Variants in SZT2 observed in about 807,000 individuals in gnomAD.
The protein encoded by SZT2 is KICSTOR complex protein SZT2.
Under a neutral mutation model 404.2 loss-of-function variants are expected in SZT2, and 216 were observed. The ratio of observed to expected loss-of-function variants is 0.53; its 90% CI spans 0.48 to 0.60. The LOEUF is 0.60. Among genes scored for constraint, SZT2 ranks in the 20% least tolerant of loss-of-function variants. The pLI is 0.00. For synonymous variants in SZT2, 1,693 were observed against 1,749.9 expected, an observed-to-expected ratio of 0.97 and a Z score of 0.81; for missense variants, 3,857 against 4,459.2, an observed-to-expected ratio of 0.86 and a Z score of 3.85.
At chr1:43,418,724 A>G (rs1651984756) in intron 7 of SZT2, among the ~76,000 whole-genome samples, 1 of 152,196 alleles carries the variant, frequency 6.6e-6, no homozygotes, top group Admixed American at 6.5e-5. Context: ...AGCGATGCTT[A>G]TGAAGTTGTC....
In SZT2 at chr1:43,451,578, G is replaced by C. The variant is rs776555284; in HGVS notation, c.*1098G>C. The C allele has an allele frequency of 1.2e-6, 2 of 1,613,554 alleles. No individual in the cohort carries two copies. The highest frequency in any genetic ancestry group is 2.2e-5 in the South Asian group (2 of 91,026). On this transcript the variant is annotated 3_prime_UTR_variant, in exon 72 of 72. Transcript: ENST00000634258. The stretch of plus-strand genomic sequence containing the variant: ...AGATGTGGACAAATGTGGGGTCCAG[G>C]CTCCTGCCAGGGCCTGAAGGACAGA...
intron 59 of SZT2, 32 bp downstream of exon 59, chr1:43,443,118 G>GA: frequency 6.2e-7 from 1 of 1,612,442 alleles, no homozygotes; most frequent in Non-Finnish European, 8.5e-7. Flanking sequence ...GCAGGGACAG[G>GA]AAATCTGTGG....
intron 1 of SZT2, among the ~76,000 whole-genome samples, chr1:43,392,923 CAG>C (rs1186853465): frequency 6.6e-6 from 1 of 152,168 alleles, no homozygotes; most frequent in Non-Finnish European, 1.5e-5. Flanking sequence ...TGGTAGGAGT[CAG>C]AATTGTGCTA....
In SZT2 at chr1:43,426,256, T is replaced by TG. The variant is rs1160399165; in HGVS notation, c.3044-107dup. The TG allele has an allele frequency of 5.3e-6, 8 of 1,496,696 alleles. No individual in the cohort carries two copies. The highest frequency in any genetic ancestry group is 7.2e-6 in the Non-Finnish European group (8 of 1,110,772). 92.7% of individuals were successfully genotyped at this position (1,496,696 alleles called of 1,614,324 possible). A position where few individuals can be genotyped will look rare whatever the true frequency, so the allele number is the denominator to read the frequency against. Reference sequence around the variant, plus strand: ...GGTCAGCAAGTGAGCAGATGAGTGGTGGGGGCAGGAGGAGCCCATGAGGCT... The same window carrying TG: ...GGTCAGCAAGTGAGCAGATGAGTGGTGGGGGGCAGGAGGAGCCCATGAGGCT... On this transcript the variant is annotated intron_variant, in intron 21 of 71. Transcript: ENST00000634258. The surrounding 1 kb of genome is among the most constrained non-coding windows in gnomAD (Gnocchi z 4.9).
In SZT2 at chr1:43,451,797, C is replaced by G. The variant is rs553713257; in HGVS notation, c.*1317C>G. 2.5e-6 allele frequency: 4 copies of G among 1,614,138 alleles called. No homozygotes were observed. Among genetic ancestry groups the G allele is most frequent in the South Asian group, 1.1e-5 (1 of 91,082 alleles). On this transcript the variant is annotated 3_prime_UTR_variant, in exon 72 of 72. Transcript: ENST00000634258. ...TCTGCGAAGTACCCCCTTCCACTTA[C>G]CATTTGTAATTGGAGGTTGGGTCTT...
At chr1:43,445,866 T>A (rs768234049) in intron 62 of SZT2, 28 bp from the exon 63 acceptor site, 18 of 1,609,688 alleles carry the variant, frequency 1.1e-5, no homozygotes, top group Non-Finnish European at 1.4e-5. Context: ...GCCTGCCTCA[T>A]CCTCTTATCC....
At chr1:43,440,328 T>C in intron 51 of SZT2, 125 bp from the exon 52 acceptor site, 2 of 1,377,252 alleles carry the variant, frequency 1.5e-6, no homozygotes, top group Non-Finnish European at 2.0e-6. Flanking sequence ...ATCAGTTGTA[T>C]ATACTGTCAT....
intron 46 of SZT2, 111 bp downstream of exon 46, chr1:43,438,013 C>A: frequency 1.8e-6 from 2 of 1,134,912 alleles, no homozygotes; most frequent in South Asian, 1.3e-5. Context: ...ACAGTCTCAG[C>A]CCAAGACCTG....
Position 43,426,168 on chromosome 1 carries a change from C to T in SZT2, c.3043+17C>T. ...TTGCCAGAGGTAGGTGAACCTGGTA[C>T]CCTTTCACCCCACACCTAAAGGGCC... On this transcript the variant is annotated intron_variant, in intron 21 of 71. Transcript: ENST00000634258. This position sits in a 1 kb window ranked among gnomAD's most constrained non-coding sequence, Gnocchi z 4.9. 6.2e-7 allele frequency: 1 copy of T among 1,611,392 alleles called. No homozygotes were observed. The highest frequency in any genetic ancestry group is 8.5e-7 in the Non-Finnish European group (1 of 1,177,798).
chr1:43,419,333 A>C (rs1377895671), intron 7 of SZT2, among the ~76,000 whole-genome samples: 1 of 152,226 alleles, frequency 6.6e-6, no homozygotes, highest in Non-Finnish European at 1.5e-5. Flanking sequence ...GAAATGCAGA[A>C]TCTCAGGCCC....
intron 1 of SZT2, among the ~76,000 whole-genome samples, chr1:43,400,187 G>A (rs1408905741): frequency 1.3e-5 from 2 of 151,928 alleles, no homozygotes; most frequent in Non-Finnish European, 2.9e-5. Context: ...TTATTTGCCC[G>A]CTTTGGCCTC....
rs1308544888 is a variant in SZT2, at chr1:43,428,224, CT to C, written c.3920-14del. ...TTCCAGAGCTCAAGCCTCATGGCCCCTTCCACTTCCATCAGGGCTATTCCGC... is the reference window on the plus strand; with the variant it reads ...TTCCAGAGCTCAAGCCTCATGGCCCCTCCACTTCCATCAGGGCTATTCCGC... On this transcript the variant is annotated splice_polypyrimidine_tract_variant and intron_variant, in intron 27 of 71. Transcript: ENST00000634258. 2 of 1,614,110 alleles carry C rather than the reference CT, an allele frequency of 1.2e-6. No homozygotes were observed. Among genetic ancestry groups the C allele is most frequent in the Non-Finnish European group, 1.7e-6 (2 of 1,179,954 alleles).
At position 43,437,590 on chromosome 1, in the gene SZT2, C is replaced by CCCAGGCTCCTAGA; in HGVS notation, c.6291-4_6299dup. ...CATGTCCAAAGACATGCTGCTCTTT[C>CCCAGGCTCCTAGA]CCAGGCTCCTAGAGACATCCTGCAG... On this transcript the variant is annotated splice_region_variant and splice_polypyrimidine_tract_variant and intron_variant, in intron 44 of 71. Coordinates refer to ENST00000634258, the MANE Select transcript of SZT2 (RefSeq NM_001365999.1). The surrounding 1 kb of genome is among the most constrained non-coding windows in gnomAD (Gnocchi z 5.3). 1 of 1,614,060 alleles carries CCCAGGCTCCTAGA rather than the reference C, an allele frequency of 6.2e-7. No homozygotes were observed. Among genetic ancestry groups the CCCAGGCTCCTAGA allele is most frequent in the Non-Finnish European group, 8.5e-7 (1 of 1,179,994 alleles).
rs777930457 is a variant in SZT2 at position 43,446,945 on chromosome 1, G to A, written c.9073-10G>A. ...TACCTTAACCCTGTCTCCTGCTGCT[G>A]CCTCCCCAGCTGTCCATGCTGTTCA... On this transcript the variant is annotated splice_polypyrimidine_tract_variant and intron_variant, in intron 65 of 71. Transcript: ENST00000634258. The A allele has an allele frequency of 2.2e-5, 35 of 1,603,506 alleles. 1 individual carries two copies. The Admixed American group carries it at 2.8e-4, about 13-fold the overall frequency.
intron 1 of SZT2, among the ~76,000 whole-genome samples, chr1:43,399,457 C>A (rs1649400626): frequency 6.6e-6 from 1 of 150,712 alleles, no homozygotes; most frequent in Admixed American, 6.6e-5. Flanking sequence ...CACACAGTAG[C>A]CAGAGGGAAT....
chr1:43,432,355 G>A lies in SZT2; in HGVS notation c.5358G>A (p.Gln1786=). ...SGFFFVAAGQ[Q]PGGSHGEPSS... ...TCTTCTTTGTGGCAGCTGGCCAACA[G>A]CCAGGTGGGTCCCATGGGGAGCCTT... is the stretch of plus-strand genomic sequence containing the variant. Residue 1786 remains glutamine, a synonymous_variant, in exon 37 of 72, where the codon CAG becomes CAA. Coordinates refer to ENST00000634258, the MANE Select transcript of SZT2 (RefSeq NM_001365999.1). 2 of 1,607,992 alleles carry A rather than the reference G, an allele frequency of 1.2e-6. No homozygotes were observed. The highest frequency in any genetic ancestry group is 1.7e-6 in the Non-Finnish European group (2 of 1,177,250).
Position 43,403,285 on chromosome 1 carries a change from A to G in SZT2, c.136A>G (p.Thr46Ala). 6.2e-7 allele frequency: 1 copy of G among 1,613,610 alleles called. No homozygotes were observed. Among genetic ancestry groups the G allele is most frequent in the South Asian group, 1.1e-5 (1 of 91,044 alleles). The change falls in exon 2 of 72, where the codon ACA becomes GCA. Residue 46 changes from threonine to alanine, a missense_variant. Thr to Ala is a moderately conservative substitution (Grantham distance 58). This residue lies in a region of SZT2 where 536 missense variants were observed against 637.4 expected (regional missense o/e 0.84). Transcript: ENST00000634258. ...LSHLHQTVQA[T>A]PQEMLLQSEQ... Reference sequence around the variant, plus strand: ...TCATCTGCACCAAACTGTGCAGGCCACACCCCAGGAGATGCTGGTGAGGCT... The same window carrying G: ...TCATCTGCACCAAACTGTGCAGGCCGCACCCCAGGAGATGCTGGTGAGGCT...
At chr1:43,449,862 T>G (rs536973348) in intron 70 of SZT2, 42 of 598,312 alleles carry the variant, frequency 7.0e-5, no homozygotes, top group Non-Finnish European at 1.2e-4. Flanking sequence ...CCAGGCTCTG[T>G]GTGGGGCCTC....
At chr1:43,399,183 C>T (rs78802891) in intron 1 of SZT2, among the ~76,000 whole-genome samples, 2 of 152,294 alleles carry the variant, frequency 1.3e-5, no homozygotes, top group African/African-American at 4.8e-5. Context: ...TATGTCCTGA[C>T]TTATAATTAA....
Sources: gnomAD v4.1 joint callset for allele counts (sites outside exome capture counted in the v4.1 genomes callset) on GRCh38, gnomAD v4.1.1 for gene constraint, gnomAD v4.1.1 regional missense constraint, Gnocchi (gnomAD v3.1) non-coding constraint, MANE v1.5 for transcripts, NCBI Gene and HGNC (gene_info 2026-07-23, HGNC 2026-07-21) for gene names.